The following DAPK2 variants were observed in gnomAD, a reference collection of about 807,000 sequenced individuals.
DAPK2 encodes death associated protein kinase 2, also known as death-associated protein kinase 2.
DAPK2 carries 35 observed loss-of-function variants against 44.1 expected under a neutral mutation model. The observed-to-expected ratio is 0.79, with a 90% CI of 0.61 to 1.05. DAPK2 has a LOEUF of 1.05. Among genes scored for constraint, DAPK2 ranks in the 50% least tolerant of loss-of-function variants. The pLI is 0.00. For synonymous variants in DAPK2, 174 were observed against 182.6 expected, an observed-to-expected ratio of 0.95 and a Z score of 0.38; for missense variants, 453 against 483.2, an observed-to-expected ratio of 0.94 and a Z score of 0.59.
intron 3 of DAPK2, among the ~76,000 whole-genome samples, chr15:63,964,037 C>T (rs952890728): frequency 6.6e-6 from 1 of 152,172 alleles, no homozygotes; most frequent in African/African-American, 2.4e-5. Context: ...CTTAATATTA[C>T]CAGTAAGTTC....
chr15:64,046,217 CCAGCCCCAGACCCGGGCGCTG>C lies in DAPK2; in HGVS notation c.-7+60_-7+80del. On this transcript the variant is annotated intron_variant, in intron 1 of 11. Coordinates refer to the DAPK2 transcript ENST00000457488. This position sits in a 1 kb window ranked among gnomAD's most constrained non-coding sequence, Gnocchi z 5.3. ...GAGTGCCCCGGATCTCTTCGCCCCG[CCAGCCCCAGACCCGGGCGCTG>C]CTGCCGTCAGGCCGCGCGCCCCGTC... The C allele has an allele frequency of 1.8e-6, 1 of 558,594 alleles. No individual in the cohort carries two copies. The highest frequency in any genetic ancestry group is 7.7e-5 in the South Asian group (1 of 12,982). The allele number at this position is 558,594 out of a possible 1,614,324, so 34.6% of individuals were successfully genotyped here.
At chr15:64,007,017 G>A (rs1012035929) in intron 1 of DAPK2, among the ~76,000 whole-genome samples, 2 of 152,120 alleles carry the variant, frequency 1.3e-5, no homozygotes, top group East Asian at 3.9e-4. Context: ...TAAAGGCAGT[G>A]GTGGGCCCAC....
chr15:64,022,469 T>C (rs910599364), intron 1 of DAPK2, among the ~76,000 whole-genome samples: 1 of 152,210 alleles, frequency 6.6e-6, no homozygotes, highest in Non-Finnish European at 1.5e-5. Flanking sequence ...CCCTTGTGCA[T>C]GGTGACTACT....
chr15:64,026,970 T>A (rs527513376), intron 1 of DAPK2, among the ~76,000 whole-genome samples: 1 of 152,236 alleles, frequency 6.6e-6, no homozygotes, highest in South Asian at 2.1e-4. Flanking sequence ...ATGACTTACA[T>A]AGTGGCTCAC....
rs1045705359 is a variant in DAPK2, at chr15:63,966,037, G to A, written c.453+5386C>T. On this transcript the variant is annotated intron_variant, in intron 3 of 10. Transcript: ENST00000261891. This position sits in a 1 kb window ranked among gnomAD's most constrained non-coding sequence, Gnocchi z 5.5. ...CCATAGCCACCACAGCTGGGAATGT[G>A]CTGGGTCACACCTGAAGCCAGCATG... Among the ~76,000 whole-genome samples the A allele has an allele frequency of 6.6e-6, 1 of 152,234 alleles. No individual in the cohort carries two copies. Among genetic ancestry groups the A allele is most frequent in the Non-Finnish European group, 1.5e-5 (1 of 68,040 alleles).
At chr15:64,017,526 C>T (rs1028106815) in intron 1 of DAPK2, among the ~76,000 whole-genome samples, 4 of 152,210 alleles carry the variant, frequency 2.6e-5, no homozygotes, top group African/African-American at 7.2e-5. Flanking sequence ...TTCCAGGACA[C>T]GGGCAGGTCC....
chr15:63,930,288 G>T, intron 5 of DAPK2, 119 bp downstream of exon 6: 1 of 1,026,358 alleles, frequency 9.7e-7, no homozygotes, highest in Non-Finnish European at 1.5e-6. Context: ...CAGAGGCTCT[G>T]AACAGTGAGT....
intron 2 of DAPK2, among the ~76,000 whole-genome samples, chr15:63,982,845 G>A (rs376370393): frequency 3.4e-4 from 52 of 152,132 alleles, no homozygotes; most frequent in East Asian, 2.7e-3. Context: ...GTGTGACAGC[G>A]TTGTTATGAG....
chr15:63,954,373 G>A (rs2077666759), intron 3 of DAPK2, among the ~76,000 whole-genome samples: 1 of 152,132 alleles, frequency 6.6e-6, no homozygotes, highest in African/African-American at 2.4e-5. Flanking sequence ...ATGTGGATAT[G>A]TAGTTTTCTC....
At chr15:63,922,586 CA>C (rs1184823032) in intron 8 of DAPK2, 8 of 1,416,114 alleles carry the variant, frequency 5.6e-6, no homozygotes, top group Non-Finnish European at 6.4e-6. Flanking sequence ...ACTGGCACCT[CA>C]GCAATTCTGG....
intron 1 of DAPK2, among the ~76,000 whole-genome samples, chr15:63,995,886 T>G (rs1444190066): frequency 6.6e-6 from 1 of 152,190 alleles, no homozygotes; most frequent in Non-Finnish European, 1.5e-5. Context: ...CCCAAATTAT[T>G]CAGCATGTGT....
intron 1 of DAPK2, among the ~76,000 whole-genome samples, chr15:64,009,353 C>G (rs1417084788): frequency 1.3e-5 from 2 of 152,092 alleles, no homozygotes; most frequent in African/African-American, 4.8e-5. Flanking sequence ...CCAATCCACA[C>G]CCCACATTCC....
chr15:64,021,913 G>A (rs573874053), intron 1 of DAPK2, among the ~76,000 whole-genome samples: 1 of 152,214 alleles, frequency 6.6e-6, no homozygotes, highest in Non-Finnish European at 1.5e-5. Context: ...GAAGTATTGG[G>A]AGGTAAGTTT....
chr15:63,999,511 T>C (rs1000469952), intron 1 of DAPK2, among the ~76,000 whole-genome samples: 6 of 152,208 alleles, frequency 3.9e-5, no homozygotes, highest in African/African-American at 1.2e-4. Context: ...CCCTTACTTC[T>C]ATTCCTGTGA....
upstream of DAPK2, among the ~76,000 whole-genome samples, chr15:64,041,405 C>T (rs1208777447): frequency 1.3e-5 from 2 of 152,228 alleles, no homozygotes; most frequent in African/African-American, 4.8e-5. Context: ...CTTACCACTC[C>T]ACCAGAAAAG....
intron 8 of DAPK2, among the ~76,000 whole-genome samples, chr15:63,913,409 T>A (rs1267502349): frequency 6.6e-6 from 1 of 152,182 alleles, no homozygotes; most frequent in Admixed American, 6.5e-5. Flanking sequence ...ATGCATTTCT[T>A]TGGAGGAGAG....
At chr15:63,956,784 T>A (rs2077736895) in intron 3 of DAPK2, among the ~76,000 whole-genome samples, 1 of 152,124 alleles carries the variant, frequency 6.6e-6, no homozygotes, top group Admixed American at 6.5e-5. Flanking sequence ...AGATGGGGTT[T>A]CACCATGTTA....
intron 5 of DAPK2, 98 bp from the exon 7 acceptor site, chr15:63,929,675 T>A (rs527362287): frequency 7.0e-7 from 1 of 1,433,540 alleles, no homozygotes; most frequent in East Asian, 2.3e-5. Flanking sequence ...GTCACTTGCC[T>A]CCTCCACAGC....
At chr15:64,037,183 G>T (rs2080234565) in intron 1 of DAPK2, among the ~76,000 whole-genome samples, 1 of 152,130 alleles carries the variant, frequency 6.6e-6, no homozygotes, top group Admixed American at 6.5e-5. Flanking sequence ...TTCACCACCT[G>T]GATCTGGTCC....
Sources: gnomAD v4.1 joint callset for allele counts (sites outside exome capture counted in the v4.1 genomes callset) on GRCh38, gnomAD v4.1.1 for gene constraint, Gnocchi (gnomAD v3.1) non-coding constraint, MANE v1.5 for transcripts, NCBI Gene and HGNC (gene_info 2026-07-23, HGNC 2026-07-21) for gene names.